The following NFIA variants were observed in gnomAD, a reference collection of about 807,000 sequenced individuals.
The protein encoded by NFIA is nuclear factor I A, also known as nuclear factor 1 A-type.
Under a neutral mutation model 62.8 loss-of-function variants are expected in NFIA, and 8 were observed. That is an observed-to-expected ratio of 0.13 (90% CI 0.07 to 0.23). NFIA has a LOEUF of 0.23. NFIA is among the 10% of genes least tolerant of loss of function. NFIA has a pLI of 1.00. For missense variants in NFIA, 410 were observed against 642.1 expected (o/e 0.64, Z 3.91); for synonymous variants, 235 against 238.1 (o/e 0.99, Z 0.12).
At position 61,283,616 on chromosome 1, in the gene NFIA, G is replaced by A. The variant is rs565569521; in HGVS notation, c.625+6031G>A. On this transcript the variant is annotated intron_variant, in intron 3 of 10. Transcript: ENST00000403491. The stretch of plus-strand genomic sequence containing the variant: ...AAAAAAAAAAAAAAAAAAGATTTAT[G>A]TGTAGGATTTACTTTGTAATTTGGG... Among the ~76,000 whole-genome samples, 5 of 105,812 alleles carry A rather than the reference G, an allele frequency of 4.7e-5. No individual in the cohort carries two copies. In the East Asian group the frequency reaches 1.8e-3, roughly 39 times the overall value. The allele number at this position is 105,812 out of a possible 152,430, so 69.4% of individuals were successfully genotyped here. A position where few individuals can be genotyped will look rare whatever the true frequency, so the allele number is the denominator to read the frequency against.
intron 2 of NFIA, among the ~76,000 whole-genome samples, chr1:61,217,528 C>G (rs946698530): frequency 6.6e-6 from 1 of 152,088 alleles, no homozygotes; most frequent in Non-Finnish European, 1.5e-5. Flanking sequence ...CAGAGCTGCT[C>G]AGAAACATGA....
intron 2 of NFIA, among the ~76,000 whole-genome samples, chr1:61,124,242 A>G (rs963662201): frequency 1.7e-4 from 26 of 152,292 alleles, no homozygotes; most frequent in African/African-American, 6.3e-4. Context: ...TTCAGCAACC[A>G]TTTATTGAGG....
intron 2 of NFIA, among the ~76,000 whole-genome samples, chr1:61,223,332 A>G (rs1287660194): frequency 6.6e-6 from 1 of 152,082 alleles, no homozygotes; most frequent in Non-Finnish European, 1.5e-5. Context: ...ATGTGTTGTA[A>G]TCCAAGCATA....
chr1:61,279,233 T>C (rs79345796), intron 3 of NFIA, among the ~76,000 whole-genome samples: 1,620 of 152,310 alleles, frequency 0.011, 28 homozygotes, highest in East Asian at 0.066. Flanking sequence ...CCACATTAGC[T>C]ATCCTATCAC....
intron 2 of NFIA, among the ~76,000 whole-genome samples, chr1:61,208,868 C>T (rs987225011): frequency 3.3e-5 from 5 of 152,010 alleles, no homozygotes; most frequent in Admixed American, 2.6e-4. Flanking sequence ...AGGGCTCAGA[C>T]GTGATTGGTT....
chr1:61,357,981 C>CGA (rs1438985521), intron 5 of NFIA, among the ~76,000 whole-genome samples: 1 of 152,162 alleles, frequency 6.6e-6, no homozygotes, highest in Non-Finnish European at 1.5e-5. Context: ...TACGTTTTCA[C>CGA]TCCTGAAGCC....
intron 2 of NFIA, among the ~76,000 whole-genome samples, chr1:61,171,153 A>G (rs1175048478): frequency 6.6e-6 from 1 of 152,170 alleles, no homozygotes; most frequent in Non-Finnish European, 1.5e-5. Context: ...TTTATTCCCA[A>G]TCTTTTATCA....
intron 3 of NFIA, among the ~76,000 whole-genome samples, chr1:61,306,951 T>C (rs1475783129): frequency 2.0e-5 from 3 of 152,220 alleles, no homozygotes; most frequent in Non-Finnish European, 4.4e-5. Context: ...TCTTTTCTAA[T>C]TCACCTTGCC....
chr1:61,187,100 C>T (rs1018089875), intron 2 of NFIA, among the ~76,000 whole-genome samples: 2 of 152,130 alleles, frequency 1.3e-5, no homozygotes, highest in African/African-American at 4.8e-5. Context: ...TATGCACCTA[C>T]CTTATAGGGT....
intron 3 of NFIA, among the ~76,000 whole-genome samples, chr1:61,309,491 C>CA (rs35779753): frequency 0.43 from 63,202 of 146,958 alleles, 14,227 homozygotes; most frequent in African/African-American, 0.6. Flanking sequence ...ACAACAACAA[C>CA]AAAAAAAAAA....
At chr1:61,205,538 G>T (rs892074966) in intron 2 of NFIA, among the ~76,000 whole-genome samples, 2 of 152,154 alleles carry the variant, frequency 1.3e-5, no homozygotes, top group African/African-American at 4.8e-5. Context: ...CATTTATGCT[G>T]GAGGTTGCAA....
At chr1:61,322,319 G>A (rs1015257702) in intron 3 of NFIA, among the ~76,000 whole-genome samples, 6 of 152,074 alleles carry the variant, frequency 3.9e-5, no homozygotes, top group African/African-American at 9.7e-5. Flanking sequence ...CCAATAAAAC[G>A]CAAAAACATA....
intron 3 of NFIA, among the ~76,000 whole-genome samples, chr1:61,283,438 C>T (rs553386668): frequency 1.7e-4 from 26 of 151,224 alleles, no homozygotes; most frequent in Middle Eastern, 3.4e-3. Flanking sequence ...AAAAATTAAC[C>T]GGGCGTGATG....
chr1:61,077,353 AGAGT>A (rs1646044529), upstream of NFIA: 3 of 357,100 alleles, frequency 8.4e-6, no homozygotes, highest in South Asian at 1.2e-4. Context: ...TTCAAAAGAG[AGAGT>A]GAGAGCGAGC....
At chr1:61,259,762 TG>T (rs139538685) in intron 2 of NFIA, among the ~76,000 whole-genome samples, 2,813 of 152,330 alleles carry the variant, frequency 0.018, 33 homozygotes, top group Non-Finnish European at 0.031. Context: ...AGCCAATTTT[TG>T]GGACAGTTTA....
In NFIA at chr1:61,459,815, A is replaced by T. The variant is rs1189036082; in HGVS notation, c.*4495A>T. 2 of 151,876 alleles carry T rather than the reference A, an allele frequency of 1.3e-5. No homozygotes were observed. Among genetic ancestry groups the T allele is most frequent in the East Asian group, 3.9e-4 (2 of 5,192 alleles). The allele number at this position is 151,876 out of a possible 1,614,324, so 9.4% of individuals were successfully genotyped here. ...AAGGAAAAACCTTTTTTTTCTATGAATTTTTTTTGTTTTTTAGGGGAAAGG... is the reference window on the plus strand; with the variant it reads ...AAGGAAAAACCTTTTTTTTCTATGATTTTTTTTTGTTTTTTAGGGGAAAGG... On this transcript the variant is annotated 3_prime_UTR_variant, in exon 11 of 11. Transcript: ENST00000403491.
chr1:61,107,284 T>C (rs921315419), intron 2 of NFIA, among the ~76,000 whole-genome samples: 1 of 151,690 alleles, frequency 6.6e-6, no homozygotes, highest in African/African-American at 2.4e-5. Context: ...GTTTATACGA[T>C]CACTCGCTGT....
intron 7 of NFIA, among the ~76,000 whole-genome samples, chr1:61,400,446 C>G (rs942843261): frequency 6.6e-6 from 1 of 152,118 alleles, no homozygotes; most frequent in Admixed American, 6.5e-5. Flanking sequence ...TATTAGATGC[C>G]GGAAGCAGCC....
At position 61,389,118 on chromosome 1, in the gene NFIA, A is replaced by C. The variant is rs1664842446; in HGVS notation, c.1075+5753A>C. On this transcript the variant is annotated intron_variant, in intron 7 of 10. Transcript: ENST00000403491. Reference sequence around the variant, plus strand: ...AAGACCCTGTCTCAAAACAACAACAACAAAAAAAAGCAAGTATGTGATTCA... The same window carrying C: ...AAGACCCTGTCTCAAAACAACAACACCAAAAAAAAGCAAGTATGTGATTCA... Among the ~76,000 whole-genome samples the C allele has an allele frequency of 2.6e-5, 4 of 152,128 alleles. No homozygotes were observed. In the South Asian group the frequency reaches 6.2e-4, roughly 24 times the overall value.
Sources: gnomAD v4.1 joint callset for allele counts (sites outside exome capture counted in the v4.1 genomes callset) on GRCh38, gnomAD v4.1.1 for gene constraint, MANE v1.5 for transcripts, NCBI Gene and HGNC (gene_info 2026-07-23, HGNC 2026-07-21) for gene names.